The following PER1 variants were observed in gnomAD, a reference collection of about 807,000 sequenced individuals.
PER1 encodes period circadian regulator 1.
A neutral mutation model predicts 125.9 loss-of-function variants in PER1; 87 were observed. The ratio of observed to expected loss-of-function variants is 0.69; its 90% CI spans 0.58 to 0.83. The LOEUF is 0.83. Ranked by LOEUF, PER1 falls within the 40% of genes least tolerant of loss-of-function variation. The pLI is 0.00. For synonymous variants in PER1, 801 were observed against 714.7 expected, an observed-to-expected ratio of 1.12 and a Z score of -1.93; for missense variants, 1,775 against 1,722.8, an observed-to-expected ratio of 1.03 and a Z score of -0.54.
At chr17:8,149,938 C>A (rs1283529828) in intron 4 of PER1, 33 bp downstream of exon 4, 3 of 1,613,914 alleles carry the variant, frequency 1.9e-6, no homozygotes, top group Non-Finnish European at 2.5e-6. Flanking sequence ...GAGCCCAGGC[C>A]CAGGCCATTC....
At chr17:8,144,578 C>T in intron 18 of PER1, 173 bp downstream of exon 18, 2 of 834,882 alleles carry the variant, frequency 2.4e-6, no homozygotes, top group Non-Finnish European at 3.6e-6. Context: ...AGCCCGGAAC[C>T]CCATCCTAGT....
In PER1 at chr17:8,149,772, A is replaced by T; in HGVS notation, c.634T>A (p.Tyr212Asn). The T allele has an allele frequency of 6.2e-7, 1 of 1,613,016 alleles. No homozygotes were observed. The highest frequency in any genetic ancestry group is 8.5e-7 in the Non-Finnish European group (1 of 1,179,994). The change falls in exon 5 of 23, where the codon TAC becomes AAC. Residue 212 changes from tyrosine (Y) to asparagine (N), a missense_variant. By Grantham distance (143) the Tyr-to-Asn change is moderately radical. Coordinates refer to ENST00000317276, the MANE Select transcript of PER1 (RefSeq NM_002616.3). ...LEELEHITSEYTLQNQDTFSV... is the reference protein window; with the variant it reads ...LEELEHITSENTLQNQDTFSV... ...CCGCTGACCTGGTTCTGAAGTGTGTACTCAGACGTGATGTGCTCCAGCTCC... is the reference window on the plus strand; with the variant it reads ...CCGCTGACCTGGTTCTGAAGTGTGTTCTCAGACGTGATGTGCTCCAGCTCC...
intron 10 of PER1, 77 bp downstream of exon 10, chr17:8,147,920 C>G: frequency 1.3e-6 from 2 of 1,581,600 alleles, no homozygotes; most frequent in Non-Finnish European, 1.7e-6. Flanking sequence ...ACCAAGGCAC[C>G]AAGAGACACA....
rs1385945511 is a variant in PER1 at position 8,142,314 on chromosome 17, G to C, written c.3404C>G (p.Ala1135Gly). 1 of 1,612,662 alleles carries C rather than the reference G, an allele frequency of 6.2e-7. No homozygotes were observed. The highest frequency in any genetic ancestry group is 2.2e-5 in the East Asian group (1 of 44,882). ...CATCATGACGCGCTGGTCAGCATTG[G>C]CCATGAGCAGCCAAATGGGATCCTG... ...VLQDPIWLLMANADQRVMMTY... is the reference protein window; with the variant it reads ...VLQDPIWLLMGNADQRVMMTY... The change falls in exon 21 of 23, where the codon GCC becomes GGC. Residue 1135 changes from alanine to glycine, a missense_variant. Ala to Gly is a moderately conservative substitution (Grantham distance 60). Transcript: ENST00000317276.
chr17:8,151,478 C>T (rs1196166010), intron 1 of PER1, among the ~76,000 whole-genome samples: 1 of 152,130 alleles, frequency 6.6e-6, no homozygotes, highest in Non-Finnish European at 1.5e-5. Flanking sequence ...TATCCCCAGT[C>T]CCAGGATGGC....
chr17:8,148,777 A>G lies in PER1; in HGVS notation c.915T>C (p.Pro305=). 1 of 1,613,550 alleles carries G rather than the reference A, an allele frequency of 6.2e-7. No individual in the cohort carries two copies. Among genetic ancestry groups the G allele is most frequent in the South Asian group, 1.1e-5 (1 of 91,002 alleles). ...KSVFCRIRGG[P]DRDPGPRYQP... ...GGTACCGAGGCCCTGGATCCCGGTC[A>G]GGACCTCCTCTAGCAAAGGAGAGAG... Residue 305 remains proline (P), a synonymous_variant, in exon 8 of 23, where the codon CCT becomes CCC. Coordinates refer to ENST00000317276, the MANE Select transcript of PER1 (RefSeq NM_002616.3).
chr17:8,149,154 A>G (rs1485063370), intron 7 of PER1, 105 bp downstream of exon 7: 2 of 1,031,740 alleles, frequency 1.9e-6, no homozygotes, highest in East Asian at 2.4e-5. Flanking sequence ...GTGCCACCGC[A>G]GTCCAGCCTG....
chr17:8,142,042 G>T, intron 21 of PER1, 87 bp from the exon 22 acceptor site: 1 of 1,540,092 alleles, frequency 6.5e-7, no homozygotes, highest in Non-Finnish European at 8.9e-7. Context: ...CTCTACCACA[G>T]CTTCCCACCT....
In PER1 at chr17:8,148,173, A is replaced by C; in HGVS notation, c.1127+8T>G. ...GCTGCCCTCGTCTCCTCTAGGTCCT[A>C]TCCTCACCTTTCATCCACATCCTGG... On this transcript the variant is annotated splice_region_variant and intron_variant, in intron 9 of 22. Coordinates refer to ENST00000317276, the MANE Select transcript of PER1 (RefSeq NM_002616.3). The C allele has an allele frequency of 6.2e-7, 1 of 1,613,864 alleles. No individual in the cohort carries two copies. Among genetic ancestry groups the C allele is most frequent in the South Asian group, 1.1e-5 (1 of 91,068 alleles).
intron 17 of PER1, 75 bp from the exon 18 acceptor site, chr17:8,145,068 T>C: frequency 7.4e-7 from 1 of 1,346,906 alleles, no homozygotes; most frequent in Non-Finnish European, 9.6e-7. Flanking sequence ...ACCCTCCCTG[T>C]CTGATAGCCT....
At position 8,148,963 on chromosome 17, in the gene PER1, C is replaced by T. The variant is rs958165453; in HGVS notation, c.906-177G>A. On this transcript the variant is annotated intron_variant, in intron 7 of 22. Coordinates refer to ENST00000317276, the MANE Select transcript of PER1 (RefSeq NM_002616.3). ...CAGCACTTTGGGAGGCCAAGGCAGGCGGATCACCTGAGGTCAGGAGTTCGA... is the reference window on the plus strand; with the variant it reads ...CAGCACTTTGGGAGGCCAAGGCAGGTGGATCACCTGAGGTCAGGAGTTCGA... The T allele has an allele frequency of 2.3e-5, 16 of 703,930 alleles. 1 individual carries two copies. Among genetic ancestry groups the T allele is most frequent in the South Asian group, 5.5e-5 (3 of 54,718 alleles). 43.6% of individuals were successfully genotyped at this position (703,930 alleles called of 1,614,324 possible).
intron 17 of PER1, among the ~76,000 whole-genome samples, chr17:8,145,367 A>G (rs1982368029): frequency 1.5e-5 from 2 of 132,794 alleles, no homozygotes; most frequent in African/African-American, 5.7e-5. Context: ...TCTTTCTCCC[A>G]AGCTGGAGTG....
intron 1 of PER1, among the ~76,000 whole-genome samples, 159 bp from the exon 2 acceptor site, chr17:8,151,004 T>G (rs768166429): frequency 6.6e-6 from 1 of 152,188 alleles, no homozygotes; most frequent in Admixed American, 6.5e-5. Flanking sequence ...GGATGTCTCC[T>G]GTACCCTTAG....
chr17:8,144,597 G>A, intron 18 of PER1, 154 bp downstream of exon 18: 1 of 1,006,242 alleles, frequency 9.9e-7, no homozygotes, highest in Non-Finnish European at 1.4e-6. Context: ...GTGGGGAGAA[G>A]CTAGCGAGGG....
chr17:8,151,216 T>G (rs982114615), intron 1 of PER1, among the ~76,000 whole-genome samples: 1 of 152,206 alleles, frequency 6.6e-6, no homozygotes, highest in South Asian at 2.1e-4. Flanking sequence ...TATTTAGGCC[T>G]CCAGGCTAAT....
Position 8,142,669 on chromosome 17 carries a change from C to T in PER1, c.3239G>A (p.Ser1080Asn). ...CTCACGAGTGATGCTGGCTGAGGTG[C>T]TGCCCCCTTCATGGGAGCCTGAACC... ...GSGSGSHEGG[S>N]TSASITRSSQ... Residue 1080 changes from serine (S) to asparagine (N), a missense_variant, in exon 20 of 23, where the codon AGC (serine) becomes AAC (asparagine). By Grantham distance (46) the Ser-to-Asn change is conservative. Transcript: ENST00000317276. 1 of 1,613,980 alleles carries T rather than the reference C, an allele frequency of 6.2e-7. No homozygotes were observed. The highest frequency in any genetic ancestry group is 2.2e-5 in the East Asian group (1 of 44,882).
At chr17:8,149,144 G>A (rs536310243) in intron 7 of PER1, 115 bp downstream of exon 7, 65 of 939,400 alleles carry the variant, frequency 6.9e-5, no homozygotes, top group East Asian at 3.9e-4. Context: ...AGCCGAGATC[G>A]TGCCACCGCA....
rs777589421 is a variant in PER1 at position 8,149,936 on chromosome 17, G to A, written c.529+35C>T. On this transcript the variant is annotated intron_variant, in intron 4 of 22. Coordinates refer to ENST00000317276, the MANE Select transcript of PER1 (RefSeq NM_002616.3). ...AGGCTGCCTCAACACGGGAGCCCAGGCCCAGGCCATTCCCTCTTGGGACAC... is the reference window on the plus strand; with the variant it reads ...AGGCTGCCTCAACACGGGAGCCCAGACCCAGGCCATTCCCTCTTGGGACAC... The A allele has an allele frequency of 4.3e-6, 7 of 1,613,814 alleles. No homozygotes were observed. In the African/African-American group the frequency reaches 5.3e-5, roughly 12 times the overall value.
chr17:8,144,760 C>T lies in PER1; in HGVS notation c.2452G>A (p.Gly818Ser), dbSNP rs944662827. 1.3e-6 allele frequency: 2 copies of T among 1,572,420 alleles called. No homozygotes were observed. Among genetic ancestry groups the T allele is most frequent in the African/African-American group, 1.4e-5 (1 of 73,912 alleles). The change falls in exon 18 of 23, where the codon GGC becomes AGC. Residue 818 changes from glycine to serine, a missense_variant. By Grantham distance (56) the Gly-to-Ser change is moderately conservative. Coordinates refer to ENST00000317276, the MANE Select transcript of PER1 (RefSeq NM_002616.3). The part of the protein sequence containing the change: ...DSSSTAPSAL[G>S]ERGCHHGPAP... ...GGCCCCAGGTGGCTACCTCGCTCGC[C>T]AAGGGCTGAGGGAGCTGTGGAAGAG... is the stretch of plus-strand genomic sequence containing the variant.
Sources: gnomAD v4.1 joint callset for allele counts (sites outside exome capture counted in the v4.1 genomes callset) on GRCh38, gnomAD v4.1.1 for gene constraint, MANE v1.5 for transcripts, NCBI Gene and HGNC (gene_info 2026-07-23, HGNC 2026-07-21) for gene names.